The following TMPRSS11D variants were observed in gnomAD, a reference collection of about 807,000 sequenced individuals.
TMPRSS11D encodes transmembrane protease serine 11D.
A neutral mutation model predicts 44.4 loss-of-function variants in TMPRSS11D; 32 were observed. The observed-to-expected ratio is 0.72, with a 90% CI of 0.54 to 0.97. The LOEUF is 0.97. TMPRSS11D is among the 50% of genes least tolerant of loss of function. The probability of loss-of-function intolerance (pLI) is 0.00; values close to 1 mark genes in which losing one functional copy is unlikely to be tolerated. For missense variants in TMPRSS11D, 446 were observed against 502.6 expected (o/e 0.89, Z 1.08); for synonymous variants, 179 against 177.9 (o/e 1.01, Z -0.05).
At chr4:67,830,974 G>T (rs1028216365) in intron 7 of TMPRSS11D, among the ~76,000 whole-genome samples, 1 of 152,128 alleles carries the variant, frequency 6.6e-6, no homozygotes, top group Non-Finnish European at 1.5e-5. Flanking sequence ...GAACTTTCAT[G>T]AAGGTAGCTA....
intron 4 of TMPRSS11D, among the ~76,000 whole-genome samples, 157 bp downstream of exon 4, chr4:67,842,401 G>T (rs562177624): frequency 1.2e-4 from 18 of 152,176 alleles, no homozygotes; most frequent in African/African-American, 4.3e-4. Flanking sequence ...CATATGTTTG[G>T]CTTTTTTGGC....
chr4:67,873,917 T>C (rs915836434), intron 1 of TMPRSS11D, among the ~76,000 whole-genome samples: 1 of 152,176 alleles, frequency 6.6e-6, no homozygotes, highest in East Asian at 1.9e-4. Flanking sequence ...AGCCTTAACT[T>C]ATTGCTTCAT....
At chr4:67,857,071 A>G (rs1438929530) in intron 2 of TMPRSS11D, among the ~76,000 whole-genome samples, 3 of 152,022 alleles carry the variant, frequency 2.0e-5, no homozygotes, top group Non-Finnish European at 2.9e-5. Flanking sequence ...GGAAAACGGT[A>G]TTGAGATTTC....
At chr4:67,849,344 G>A (rs1718438501) in intron 3 of TMPRSS11D, among the ~76,000 whole-genome samples, 1 of 152,276 alleles carries the variant, frequency 6.6e-6, no homozygotes, top group African/African-American at 2.4e-5. Flanking sequence ...ACAAAAGAAT[G>A]TCTAGGCTGG....
intron 1 of TMPRSS11D, among the ~76,000 whole-genome samples, chr4:67,864,249 G>T (rs1027671813): frequency 2.0e-5 from 3 of 151,836 alleles, no homozygotes; most frequent in Non-Finnish European, 2.9e-5. Flanking sequence ...TTATCACACA[G>T]GTAACTTTAT....
chr4:67,831,185 T>C (rs535732696), intron 7 of TMPRSS11D, among the ~76,000 whole-genome samples: 1 of 152,070 alleles, frequency 6.6e-6, no homozygotes, highest in Admixed American at 6.6e-5. Flanking sequence ...ATAAAAAAAT[T>C]TCTGTGGAAC....
chr4:67,833,945 T>G (rs1718009477), intron 6 of TMPRSS11D, among the ~76,000 whole-genome samples: 2 of 152,190 alleles, frequency 1.3e-5, no homozygotes, highest in South Asian at 4.1e-4. Flanking sequence ...CCAGTCCACC[T>G]CCAAGACTGA....
At chr4:67,841,162 T>A (rs1718217776) in intron 4 of TMPRSS11D, among the ~76,000 whole-genome samples, 2 of 152,102 alleles carry the variant, frequency 1.3e-5, no homozygotes, top group Admixed American at 6.6e-5. Flanking sequence ...ATATTCATGT[T>A]TGGAGGCAAA....
rs757538439 is a variant in TMPRSS11D at position 67,825,842 on chromosome 4, C to G, written c.985G>C (p.Val329Leu). ...HTVPELRQGQ[V>L]RIISNDVCNA... ...CATACATCATTACTTATTATTCTGA[C>G]CTGTCCTTGCCTTAGCTCTGGAACT... The change falls in exon 9 of 10, where the codon GTC becomes CTC. Residue 329 changes from valine to leucine, a missense_variant. Val to Leu is a conservative substitution (Grantham distance 32). Transcript: ENST00000283916. The G allele has an allele frequency of 6.2e-7, 1 of 1,612,780 alleles. No homozygotes were observed. The highest frequency in any genetic ancestry group is 1.7e-5 in the Admixed American group (1 of 59,908).
intron 1 of TMPRSS11D, among the ~76,000 whole-genome samples, chr4:67,881,478 A>G (rs1016001837): frequency 4.6e-5 from 7 of 152,172 alleles, no homozygotes; most frequent in African/African-American, 1.7e-4. Flanking sequence ...TTTTATAGGC[A>G]ACAACTTGTA....
chr4:67,863,956 C>G (rs370171032), intron 1 of TMPRSS11D, among the ~76,000 whole-genome samples: 1 of 151,708 alleles, frequency 6.6e-6, no homozygotes, highest in Admixed American at 6.6e-5. Context: ...AGTCCCCCTG[C>G]GACATGTTGG....
At chr4:67,830,354 T>C (rs947919064) in intron 7 of TMPRSS11D, among the ~76,000 whole-genome samples, 1 of 151,548 alleles carries the variant, frequency 6.6e-6, no homozygotes, top group Non-Finnish European at 1.5e-5. Flanking sequence ...ATGAGAGAAA[T>C]GCCTTGTACA....
In TMPRSS11D at chr4:67,838,212, G is replaced by C; in HGVS notation, c.435C>G (p.Asn145Lys). 6.3e-7 allele frequency: 1 copy of C among 1,587,662 alleles called. No individual in the cohort carries two copies. The highest frequency in any genetic ancestry group is 8.6e-7 in the Non-Finnish European group (1 of 1,169,016). Residue 145 changes from asparagine (N) to lysine (K), a missense_variant, in exon 5 of 10, where the codon AAC (asparagine) becomes AAG (lysine). By Grantham distance (94) the Asn-to-Lys change is moderately conservative. Coordinates refer to ENST00000283916, the MANE Select transcript of TMPRSS11D (RefSeq NM_004262.3). ...AAGGGTTTATTTCCAGGTTTCCAGA[G>C]TTATTCAGCATTTGTCGTAAAACAG... Reference protein sequence around the residue: ...IESVLRQMLNNSGNLEINPST... With the variant: ...IESVLRQMLNKSGNLEINPST...
chr4:67,841,365 AG>A (rs1042523308), intron 4 of TMPRSS11D, among the ~76,000 whole-genome samples: 2 of 152,168 alleles, frequency 1.3e-5, no homozygotes, highest in Non-Finnish European at 2.9e-5. Context: ...TAGGGAGGTA[AG>A]GGGAAAATCA....
chr4:67,881,086 A>G (rs1719310474), intron 1 of TMPRSS11D, among the ~76,000 whole-genome samples: 1 of 152,244 alleles, frequency 6.6e-6, no homozygotes, highest in Non-Finnish European at 1.5e-5. Flanking sequence ...CTGTGAAATC[A>G]TGCCAAGTCT....
rs796362022 is a variant in TMPRSS11D at position 67,828,036 on chromosome 4, G to A, written c.693-516C>T. Among the ~76,000 whole-genome samples, 154 of 147,212 alleles carry A rather than the reference G, an allele frequency of 1.0e-3. 1 individual carries two copies. Among genetic ancestry groups the A allele is most frequent in the African/African-American group, 3.9e-3 (150 of 38,504 alleles). On this transcript the variant is annotated intron_variant, in intron 7 of 9. Coordinates refer to ENST00000283916, the MANE Select transcript of TMPRSS11D (RefSeq NM_004262.3). ...AGTCTGATAATGGTTGAAGATTTTG[G>A]TGTGTGTGTGTGTGTGTGTGTGCAT...
At chr4:67,870,087 T>A (rs2109698754) in intron 1 of TMPRSS11D, among the ~76,000 whole-genome samples, 1 of 152,326 alleles carries the variant, frequency 6.6e-6, no homozygotes, top group Non-Finnish European at 1.5e-5. Context: ...ACGCTTTTCT[T>A]GTGTGTGGCA....
At chr4:67,831,173 A>G (rs969896047) in intron 7 of TMPRSS11D, among the ~76,000 whole-genome samples, 1 of 152,136 alleles carries the variant, frequency 6.6e-6, no homozygotes, top group Non-Finnish European at 1.5e-5. Flanking sequence ...TGTTAAAGGC[A>G]GATAAAAAAA....
intron 4 of TMPRSS11D, among the ~76,000 whole-genome samples, chr4:67,841,912 T>C (rs780601648): frequency 2.0e-5 from 3 of 152,160 alleles, no homozygotes; most frequent in Non-Finnish European, 4.4e-5. Flanking sequence ...CAAAGAACTA[T>C]TGCATATTAT....
Sources: gnomAD v4.1 joint callset for allele counts (sites outside exome capture counted in the v4.1 genomes callset) on GRCh38, gnomAD v4.1.1 for gene constraint, MANE v1.5 for transcripts, NCBI Gene and HGNC (gene_info 2026-07-23, HGNC 2026-07-21) for gene names.